Variants in CTNNA3 observed in about 807,000 individuals in gnomAD.
CTNNA3 encodes the protein catenin alpha-3.
CTNNA3 carries 76 observed loss-of-function variants against 95.7 expected under a neutral mutation model. The observed-to-expected ratio is 0.79, with a 90% CI of 0.66 to 0.96. The LOEUF (loss-of-function observed/expected upper bound fraction) is 0.96. Ranked by LOEUF, CTNNA3 falls within the 40% of genes least tolerant of loss-of-function variation. CTNNA3 has a pLI of 0.00. For missense variants in CTNNA3, 1,191 were observed against 1,089.8 expected (o/e 1.09, Z -1.31); for synonymous variants, 431 against 374.4 (o/e 1.15, Z -1.74).
chr10:67,360,416 GAAA>G (rs74859730), intron 5 of CTNNA3, among the ~76,000 whole-genome samples: 3 of 99,294 alleles, frequency 3.0e-5, no homozygotes, highest in Non-Finnish European at 4.2e-5. Context: ...GAGCAAGCAG[GAAA>G]AAAAAAAAAA....
At chr10:67,520,168 C>G (rs1470390720) in intron 5 of CTNNA3, among the ~76,000 whole-genome samples, 1 of 152,032 alleles carries the variant, frequency 6.6e-6, no homozygotes, top group Non-Finnish European at 1.5e-5. Flanking sequence ...TAAATCATAC[C>G]ATGTGCCATA....
At chr10:67,195,281 T>C (rs1424488991) in intron 6 of CTNNA3, among the ~76,000 whole-genome samples, 1 of 151,958 alleles carries the variant, frequency 6.6e-6, no homozygotes, top group Admixed American at 6.6e-5. Flanking sequence ...TTTAAGAAAA[T>C]TAGAAGAAAA....
At chr10:67,444,201 T>C (rs1589296142) in intron 5 of CTNNA3, among the ~76,000 whole-genome samples, 1 of 152,266 alleles carries the variant, frequency 6.6e-6, no homozygotes, top group East Asian at 1.9e-4. Flanking sequence ...GGATCTCTTC[T>C]GGCCACAGTG....
At chr10:66,178,217 G>A (rs2085822524) in intron 13 of CTNNA3, among the ~76,000 whole-genome samples, 1 of 150,836 alleles carries the variant, frequency 6.6e-6, no homozygotes, top group African/African-American at 2.4e-5. Context: ...CAGGACTTCT[G>A]CTAGAGAGAT....
chr10:66,253,547 T>G (rs537642252), intron 13 of CTNNA3, among the ~76,000 whole-genome samples: 62 of 152,290 alleles, frequency 4.1e-4, no homozygotes, highest in African/African-American at 1.5e-3. Flanking sequence ...CTCATTGAAA[T>G]GGTAGAAGAG....
At chr10:65,971,989 G>T (rs1266930823) in intron 16 of CTNNA3, among the ~76,000 whole-genome samples, 1 of 152,100 alleles carries the variant, frequency 6.6e-6, no homozygotes, top group Non-Finnish European at 1.5e-5. Flanking sequence ...TTCTTGGAAT[G>T]TAAGGTTGGT....
chr10:66,170,440 G>C (rs2085359638), intron 13 of CTNNA3, among the ~76,000 whole-genome samples: 1 of 151,678 alleles, frequency 6.6e-6, no homozygotes, highest in Non-Finnish European at 1.5e-5. Context: ...GAATTTTCTT[G>C]AATAAAACAT....
chr10:67,116,990 C>T (rs1244889999), intron 7 of CTNNA3, among the ~76,000 whole-genome samples: 1 of 151,512 alleles, frequency 6.6e-6, no homozygotes, highest in Non-Finnish European at 1.5e-5. Flanking sequence ...TTAGATATAG[C>T]TGATGGTGTA....
At chr10:66,283,264 T>G (rs2091526210) in intron 12 of CTNNA3, among the ~76,000 whole-genome samples, 1 of 151,800 alleles carries the variant, frequency 6.6e-6, no homozygotes, top group East Asian at 1.9e-4. Context: ...AAGAGATATG[T>G]CCTCAAAACC....
chr10:67,154,387 A>G (rs1243851277), intron 7 of CTNNA3, among the ~76,000 whole-genome samples: 1 of 152,200 alleles, frequency 6.6e-6, no homozygotes, highest in Non-Finnish European at 1.5e-5. Flanking sequence ...GGAGATGGAT[A>G]ACATCTCACA....
chr10:65,928,446 A>G (rs1398742831), intron 17 of CTNNA3, among the ~76,000 whole-genome samples: 2 of 152,290 alleles, frequency 1.3e-5, no homozygotes, highest in African/African-American at 4.8e-5. Context: ...ATAGAAATCT[A>G]TACTTCATTT....
At chr10:66,721,600 G>A (rs796707892) in intron 9 of CTNNA3, among the ~76,000 whole-genome samples, 39 of 152,300 alleles carry the variant, frequency 2.6e-4, no homozygotes, top group African/African-American at 9.4e-4. Context: ...ACTTCATCCA[G>A]TTGCCTGGTA....
At chr10:66,788,052 C>T (rs1840817225) in intron 7 of CTNNA3, among the ~76,000 whole-genome samples, 1 of 152,154 alleles carries the variant, frequency 6.6e-6, no homozygotes, top group South Asian at 2.1e-4. Context: ...CTTAGGTTTA[C>T]AAGTCAAACT....
intron 3 of CTNNA3, among the ~76,000 whole-genome samples, chr10:67,583,470 T>C (rs1449869872): frequency 6.6e-6 from 1 of 152,222 alleles, no homozygotes; most frequent in Non-Finnish European, 1.5e-5. Flanking sequence ...AACCTGATCT[T>C]TCTCTCTGGC....
At chr10:66,459,899 AT>A (rs991746563) in intron 11 of CTNNA3, among the ~76,000 whole-genome samples, 24 of 152,026 alleles carry the variant, frequency 1.6e-4, no homozygotes, top group Admixed American at 3.3e-4. Flanking sequence ...TTATTTATTT[AT>A]TTTTTTAATT....
intron 3 of CTNNA3, among the ~76,000 whole-genome samples, chr10:67,552,570 G>T (rs1255941743): frequency 6.6e-6 from 1 of 151,754 alleles, no homozygotes; most frequent in African/African-American, 2.4e-5. Flanking sequence ...AGGACAGTCA[G>T]GTAAATGTGT....
chr10:66,921,401 T>C (rs1200836158), intron 7 of CTNNA3, among the ~76,000 whole-genome samples: 3 of 152,294 alleles, frequency 2.0e-5, no homozygotes, highest in Non-Finnish European at 2.9e-5. Context: ...TTTGATCACA[T>C]ACTAACTCTG....
At chr10:66,740,146 TG>T (rs1849279873) in intron 9 of CTNNA3, among the ~76,000 whole-genome samples, 1 of 152,190 alleles carries the variant, frequency 6.6e-6, no homozygotes, top group South Asian at 2.1e-4. Context: ...AAAAAGAAAA[TG>T]GTATTAATGT....
intron 1 of CTNNA3, among the ~76,000 whole-genome samples, chr10:67,711,081 C>T (rs1841104534): frequency 6.6e-6 from 1 of 152,200 alleles, no homozygotes. Context: ...CCATGTGAGA[C>T]ATGCCTTATC....
Sources: gnomAD v4.1 joint callset for allele counts (sites outside exome capture counted in the v4.1 genomes callset) on GRCh38, gnomAD v4.1.1 for gene constraint, MANE v1.5 for transcripts, NCBI Gene and HGNC (gene_info 2026-07-23, HGNC 2026-07-21) for gene names.